Variants in SH3BP2 observed in about 807,000 individuals in gnomAD.
SH3BP2 encodes the protein SH3 domain-binding protein 2.
In SH3BP2, 38 loss-of-function variants were observed where a neutral mutation model predicts 56.2. The ratio of observed to expected loss-of-function variants is 0.68; its 90% confidence interval spans 0.52 to 0.89. The LOEUF (loss-of-function observed/expected upper bound fraction) is 0.89, where lower values mean the gene tolerates loss of function less well. Ranked by LOEUF, SH3BP2 falls within the 40% of genes least tolerant of loss-of-function variation. The probability of loss-of-function intolerance (pLI) is 0.00; values close to 1 mark genes in which losing one functional copy is unlikely to be tolerated. For synonymous variants in SH3BP2, 346 were observed against 316.7 expected, an observed-to-expected ratio of 1.09 and a Z score of -0.98; for missense variants, 748 against 762.6, an observed-to-expected ratio of 0.98 and a Z score of 0.23.
chr4:2,812,326 G>T, intron 1 of SH3BP2: 1 of 1,549,662 alleles, frequency 6.5e-7, no homozygotes, highest in South Asian at 1.2e-5. Flanking sequence ...CACAGCTGTG[G>T]GGCAGCCAGG....
rs1417726840 is a variant in SH3BP2 at position 2,831,676 on chromosome 4, G to A, written c.1347G>A (p.Glu449=). 2 of 1,588,518 alleles carry A rather than the reference G, an allele frequency of 1.3e-6. No individual in the cohort carries two copies. The highest frequency in any genetic ancestry group is 3.5e-5 in the Admixed American group (2 of 57,284). The change falls in exon 9 of 13, where the codon GAG becomes GAA. Residue 449 remains glutamate, a synonymous_variant. Transcript: ENST00000503393. This position sits in a 1 kb window ranked among gnomAD's most constrained non-coding sequence, Gnocchi z 4.1. Reference sequence around the variant, plus strand: ...GGGACGACTCGGACGAGGACTATGAGAAGGCAAGGCTGAGCGGCAAGCCTG... The same window carrying A: ...GGGACGACTCGGACGAGGACTATGAAAAGGCAAGGCTGAGCGGCAAGCCTG... ...TGGDDSDEDY[E]KVPLPNSVFV... is the part of the protein sequence containing the mutation.
chr4:2,818,113 T>A (rs1048145854), intron 1 of SH3BP2: 155 of 640,198 alleles, frequency 2.4e-4, no homozygotes, highest in Admixed American at 5.7e-4. Context: ...CCGCGCACGG[T>A]GACGCGGCAG....
intron 1 of SH3BP2, chr4:2,799,067 G>A (rs921533014): frequency 5.1e-6 from 5 of 985,380 alleles, no homozygotes; most frequent in East Asian, 1.1e-4. Flanking sequence ...GACTAATGGC[G>A]CTCAGGGGTG....
At position 2,826,714 on chromosome 4, in the gene SH3BP2, G is replaced by T. The variant is rs543021056; in HGVS notation, c.429-516G>T. 857 of 358,444 alleles carry T rather than the reference G, an allele frequency of 2.4e-3. 7 individuals are homozygous for T. In the East Asian group the frequency reaches 0.026, roughly 11 times the overall value. 22.2% of individuals were successfully genotyped at this position (358,444 alleles called of 1,614,324 possible). On this transcript the variant is annotated intron_variant, in intron 5 of 12. Transcript: ENST00000503393. Reference sequence around the variant, plus strand: ...TTGCTCTGTGTGTGTGTGCATGTCCGCATGTTGCTCTGTGTGTGTGCATGT... The same window carrying T: ...TTGCTCTGTGTGTGTGTGCATGTCCTCATGTTGCTCTGTGTGTGTGCATGT...
rs1253176242 is a variant in SH3BP2, at chr4:2,793,130, G to T, written c.-13G>T. 6.6e-6 allele frequency: 1 copy of T among 150,566 alleles called. No homozygotes were observed. The highest frequency in any genetic ancestry group is 1.5e-5 in the Non-Finnish European group (1 of 67,230). The allele number at this position is 150,566 out of a possible 1,614,324, so 9.3% of individuals were successfully genotyped here. The stretch of plus-strand genomic sequence containing the variant: ...CCCAGGGCCCGCGGGCCAGGAGAGC[G>T]CTCGGCGGGTAAGCCTCGGCGGCGG... On this transcript the variant is annotated 5_prime_UTR_variant, in exon 1 of 13. Transcript: ENST00000503393.
chr4:2,832,466 G>A (rs1284484446), intron 11 of SH3BP2, 54 bp downstream of exon 11: 1 of 1,375,932 alleles, frequency 7.3e-7, no homozygotes, highest in Non-Finnish European at 1.0e-6. Context: ...ACACACCCAG[G>A]CTGTGGGTGG....
At chr4:2,819,308 C>T (rs1195441889) in intron 1 of SH3BP2, among the ~76,000 whole-genome samples, 1 of 152,232 alleles carries the variant, frequency 6.6e-6, no homozygotes, top group Non-Finnish European at 1.5e-5. Context: ...CAGCCTCAAA[C>T]TCCTGGGCTC....
chr4:2,822,406 G>A (rs1257151893), intron 2 of SH3BP2, among the ~76,000 whole-genome samples: 1 of 152,116 alleles, frequency 6.6e-6, no homozygotes, highest in Non-Finnish European at 1.5e-5. Context: ...TCTCACTCTT[G>A]TCACCCAGGC....
At chr4:2,823,170 C>T in intron 3 of SH3BP2, 133 bp downstream of exon 3, 1 of 704,858 alleles carries the variant, frequency 1.4e-6, no homozygotes, top group East Asian at 2.7e-5. Flanking sequence ...CGTGCCCATC[C>T]CCTGTCCTCC....
chr4:2,803,085 C>T (rs1220638048), intron 1 of SH3BP2, among the ~76,000 whole-genome samples: 3 of 152,232 alleles, frequency 2.0e-5, no homozygotes, highest in Non-Finnish European at 2.9e-5. Flanking sequence ...CCAAGACCGC[C>T]ACGGTACGAA....
At chr4:2,802,556 G>C (rs28520868) in intron 1 of SH3BP2, among the ~76,000 whole-genome samples, 1 of 138,532 alleles carries the variant, frequency 7.2e-6, no homozygotes, top group South Asian at 2.2e-4. Flanking sequence ...ATATATATGT[G>C]TATATATGTA....
chr4:2,832,542 T>G (rs1195634770), intron 11 of SH3BP2, 130 bp downstream of exon 11: 10 of 770,534 alleles, frequency 1.3e-5, no homozygotes, highest in Middle Eastern at 3.4e-4. Flanking sequence ...TCAGCTGAAT[T>G]CTCTTCCCAG....
intron 1 of SH3BP2, among the ~76,000 whole-genome samples, chr4:2,806,287 G>A (rs907330948): frequency 2.0e-5 from 3 of 152,194 alleles, no homozygotes; most frequent in Non-Finnish European, 2.9e-5. Flanking sequence ...GGCTGGCTGC[G>A]GTGAGGGACA....
In SH3BP2 at chr4:2,822,969, C is replaced by T. The variant is rs113748730; in HGVS notation, c.171C>T (p.Cys57=). Residue 57 remains cysteine, a synonymous_variant, in exon 3 of 13, where the codon TGC becomes TGT. Coordinates refer to ENST00000503393, the MANE Select transcript of SH3BP2 (RefSeq NM_001122681.2). ...PLRFVIIHKR[C]VYYFKSSTSA... is the part of the protein sequence containing the mutation. ...GCTTTGTCATCATCCACAAACGCTGCGTCTACTACTTCAAGAGTAGCACCT... is the reference window on the plus strand; with the variant it reads ...GCTTTGTCATCATCCACAAACGCTGTGTCTACTACTTCAAGAGTAGCACCT... The T allele has an allele frequency of 1.4e-3, 2,334 of 1,614,040 alleles. 26 individuals are homozygous for T. In the African/African-American group the frequency reaches 0.027, roughly 18 times the overall value.
At chr4:2,816,609 A>G (rs1417127037) in intron 1 of SH3BP2, among the ~76,000 whole-genome samples, 1 of 152,262 alleles carries the variant, frequency 6.6e-6, no homozygotes, top group East Asian at 1.9e-4. Context: ...AGATTGAGGA[A>G]CTTCCCTTCT....
At chr4:2,796,874 G>C (rs143801547) in intron 1 of SH3BP2, among the ~76,000 whole-genome samples, 1 of 152,368 alleles carries the variant, frequency 6.6e-6, no homozygotes, top group Non-Finnish European at 1.5e-5. Flanking sequence ...CAGGGGCCGA[G>C]GGAAGCGGCA....
At chr4:2,808,085 G>A (rs769413109) in intron 1 of SH3BP2, among the ~76,000 whole-genome samples, 27 of 138,154 alleles carry the variant, frequency 2.0e-4, no homozygotes, top group Non-Finnish European at 3.4e-4. Context: ...TTCCACACAC[G>A]AGGGGCCTGA....
At chr4:2,803,999 A>G (rs536960932) in intron 1 of SH3BP2, among the ~76,000 whole-genome samples, 1 of 152,184 alleles carries the variant, frequency 6.6e-6, no homozygotes, top group Admixed American at 6.5e-5. Context: ...CGATACCATG[A>G]GACTTCAGGC....
intron 1 of SH3BP2, chr4:2,819,029 C>A: frequency 2.9e-6 from 1 of 340,680 alleles, no homozygotes; most frequent in Non-Finnish European, 4.2e-6. Context: ...GAACTCCTGG[C>A]TCAATCGATC....
Sources: allele counts gnomAD v4.1 joint callset (sites outside exome capture counted in the v4.1 genomes callset), GRCh38; gene constraint gnomAD v4.1.1; non-coding constraint Gnocchi (gnomAD v3.1); transcripts MANE v1.5; gene names NCBI Gene and HGNC (gene_info 2026-07-23, HGNC 2026-07-21).